The following VGLL4 variants were observed in gnomAD, a reference collection of about 807,000 sequenced individuals.
VGLL4 encodes transcription cofactor vestigial-like protein 4.
Under a neutral mutation model 21.0 loss-of-function variants are expected in VGLL4, and 7 were observed. That is an observed-to-expected ratio of 0.33 (90% CI 0.19 to 0.63). The LOEUF is 0.63. Ranked by LOEUF, VGLL4 falls within the 20% of genes least tolerant of loss-of-function variation. VGLL4 has a pLI of 0.78. For missense variants in VGLL4, 394 were observed against 425.7 expected, an observed-to-expected ratio of 0.93 and a Z score of 0.66; for synonymous variants, 222 against 173.2, an observed-to-expected ratio of 1.28 and a Z score of -2.21.
Position 11,558,522 on chromosome 3 carries a change from G to A in VGLL4, c.*34C>T. On this transcript the variant is annotated 3_prime_UTR_variant, in exon 5 of 5. Coordinates refer to ENST00000430365, the MANE Select transcript of VGLL4 (RefSeq NM_001128219.3). ...ACTGTTCAAAGCTCAGGCAAACCAT[G>A]CAGATCCACGTGTTGTTGGAGGAGG... 2 of 1,418,074 alleles carry A rather than the reference G, an allele frequency of 1.4e-6. No homozygotes were observed. Among genetic ancestry groups the A allele is most frequent in the East Asian group, 3.2e-5 (1 of 30,804 alleles). The allele number at this position is 1,418,074 out of a possible 1,614,324, so 87.8% of individuals were successfully genotyped here.
At chr3:11,713,464 G>C (rs149408583) in intron 1 of VGLL4, among the ~76,000 whole-genome samples, 1 of 151,300 alleles carries the variant, frequency 6.6e-6, no homozygotes, top group Non-Finnish European at 1.5e-5. Context: ...TTCTACACAT[G>C]ATCACTCCTG....
intron 1 of VGLL4, among the ~76,000 whole-genome samples, chr3:11,609,561 A>C (rs1163071095): frequency 6.6e-6 from 1 of 152,208 alleles, no homozygotes; most frequent in Non-Finnish European, 1.5e-5. Context: ...TGCAGATTCG[A>C]TTTTCATAGA....
chr3:11,594,715 T>C (rs1012735014), intron 2 of VGLL4, among the ~76,000 whole-genome samples: 11 of 152,260 alleles, frequency 7.2e-5, no homozygotes, highest in African/African-American at 2.7e-4. Context: ...ATTGCAGCAC[T>C]GTTAGTATTG....
At chr3:11,710,829 G>A (rs368836280) in intron 1 of VGLL4, among the ~76,000 whole-genome samples, 11 of 151,944 alleles carry the variant, frequency 7.2e-5, no homozygotes, top group African/African-American at 2.4e-4. Context: ...GCTGGGCACC[G>A]TGGCTCATGC....
At chr3:11,689,572 G>C (rs1004719767) in intron 2 of VGLL4, among the ~76,000 whole-genome samples, 3 of 152,120 alleles carry the variant, frequency 2.0e-5, no homozygotes, top group Non-Finnish European at 2.9e-5. Flanking sequence ...CATGTTTTTG[G>C]CTTCTGCTAT....
chr3:11,711,073 T>C (rs567005405), intron 1 of VGLL4, among the ~76,000 whole-genome samples: 1 of 148,492 alleles, frequency 6.7e-6, no homozygotes, highest in Admixed American at 6.8e-5. Context: ...GCACTCAGCC[T>C]GAGCAACAGA....
chr3:11,617,231 A>G (rs1417955723), intron 1 of VGLL4, among the ~76,000 whole-genome samples: 2 of 152,222 alleles, frequency 1.3e-5, no homozygotes, highest in Admixed American at 1.3e-4. Flanking sequence ...GTACAAGAGT[A>G]TGAGGCAAGG....
chr3:11,656,948 G>A (rs2075967705), intron 2 of VGLL4, among the ~76,000 whole-genome samples: 1 of 152,178 alleles, frequency 6.6e-6, no homozygotes, highest in Admixed American at 6.5e-5. Flanking sequence ...TGTCCTAAGA[G>A]CGTCTGCAGG....
intron 3 of VGLL4, 97 bp downstream of exon 3, chr3:11,564,700 C>T: frequency 2.1e-6 from 3 of 1,416,534 alleles, no homozygotes; most frequent in Non-Finnish European, 2.9e-6. Context: ...CTCCCTCCCT[C>T]ACCACCGCCC....
At chr3:11,580,885 G>C (rs984434827) in intron 2 of VGLL4, among the ~76,000 whole-genome samples, 1 of 152,178 alleles carries the variant, frequency 6.6e-6, no homozygotes, top group Non-Finnish European at 1.5e-5. Flanking sequence ...AGACTTATAA[G>C]CTACATATTT....
At chr3:11,721,140 A>G (rs1296924227), upstream of VGLL4, 2 of 152,116 alleles carry the variant, frequency 1.3e-5, no homozygotes, top group African/African-American at 4.8e-5. Context: ...TCCCTGGGAG[A>G]GGGCTCTGCT....
intron 2 of VGLL4, among the ~76,000 whole-genome samples, chr3:11,566,880 A>G (rs2056498543): frequency 1.3e-5 from 2 of 152,044 alleles, no homozygotes; most frequent in Admixed American, 1.3e-4. Context: ...GTGCACAGAG[A>G]CTTAACGGGT....
chr3:11,718,000 A>G (rs1028828956), intron 1 of VGLL4, among the ~76,000 whole-genome samples: 2 of 152,060 alleles, frequency 1.3e-5, no homozygotes, highest in African/African-American at 4.8e-5. Context: ...TGTTTTTACT[A>G]CAACATTCAC....
intron 2 of VGLL4, among the ~76,000 whole-genome samples, chr3:11,692,543 A>AGG: frequency 1.3e-5 from 2 of 152,194 alleles, no homozygotes; most frequent in African/African-American, 4.8e-5. Context: ...TGCTTATTTT[A>AGG]AACCTAATGG....
At position 11,641,983 on chromosome 3, in the gene VGLL4, C is replaced by T. The variant is rs559362836; in HGVS notation, c.82+1454G>A. 2.0e-5 allele frequency among the ~76,000 whole-genome samples: 3 copies of T among 151,118 alleles called. No individual in the cohort carries two copies. The East Asian group carries it at 5.8e-4, about 29-fold the overall frequency. On this transcript the variant is annotated intron_variant, in intron 1 of 4. Coordinates refer to ENST00000430365, the MANE Select transcript of VGLL4 (RefSeq NM_001128219.3). The stretch of plus-strand genomic sequence containing the variant: ...AAAGACAATACAACAGAAATTGCCT[C>T]AGAAGTTTTTCTTTCTTGTTGGGGG...
intron 1 of VGLL4, among the ~76,000 whole-genome samples, chr3:11,634,085 T>C (rs931254332): frequency 1.3e-5 from 2 of 152,146 alleles, no homozygotes; most frequent in African/African-American, 4.8e-5. Context: ...GTATTCTCTA[T>C]CCAAGTATCT....
intron 2 of VGLL4, among the ~76,000 whole-genome samples, chr3:11,575,459 C>T (rs2074010249): frequency 1.3e-5 from 2 of 152,180 alleles, no homozygotes; most frequent in Non-Finnish European, 2.9e-5. Context: ...GAGTCTGCCC[C>T]TCTCTCTCCT....
At chr3:11,628,685 T>A (rs2075411013) in intron 1 of VGLL4, among the ~76,000 whole-genome samples, 1 of 152,152 alleles carries the variant, frequency 6.6e-6, no homozygotes, top group Admixed American at 6.5e-5. Context: ...CCGGGCGTGG[T>A]GGCGGGCGCC....
intron 1 of VGLL4, among the ~76,000 whole-genome samples, chr3:11,627,616 AAAT>A (rs1239383306): frequency 5.1e-5 from 7 of 136,404 alleles, no homozygotes; most frequent in African/African-American, 2.0e-4. Context: ...AAAAAAAAAA[AAAT>A]CAATGTTCTG....
Sources: gnomAD v4.1 joint callset for allele counts (sites outside exome capture counted in the v4.1 genomes callset) on GRCh38, gnomAD v4.1.1 for gene constraint, MANE v1.5 for transcripts, NCBI Gene and HGNC (gene_info 2026-07-23, HGNC 2026-07-21) for gene names.